RBFOX1: variants seen among roughly 807,000 people sequenced by gnomAD.
The protein encoded by RBFOX1 is RNA binding protein fox-1 homolog 1.
Under a neutral mutation model 57.7 loss-of-function variants are expected in RBFOX1, and 8 were observed. The ratio of observed to expected loss-of-function variants is 0.14; its 90% confidence interval spans 0.08 to 0.25. The LOEUF (loss-of-function observed/expected upper bound fraction) is 0.25, where lower values mean the gene tolerates loss of function less well. RBFOX1 is among the 10% of genes least tolerant of loss of function. The probability of loss-of-function intolerance (pLI) is 1.00; values close to 1 mark genes in which losing one functional copy is unlikely to be tolerated. For missense variants in RBFOX1, 611 were observed against 548.5 expected (o/e 1.11, Z -1.14); for synonymous variants, 326 against 222.4 (o/e 1.47, Z -4.15).
chr16:7,155,595 G>GAA (rs57504385), intron 4 of RBFOX1, among the ~76,000 whole-genome samples: 13 of 121,250 alleles, frequency 1.1e-4, no homozygotes, highest in East Asian at 4.8e-4. Flanking sequence ...GCACTTGTCT[G>GAA]AAAAAAAAAA....
At chr16:6,974,468 C>T (rs1317897913) in intron 3 of RBFOX1, among the ~76,000 whole-genome samples, 3 of 151,410 alleles carry the variant, frequency 2.0e-5, no homozygotes, top group Non-Finnish European at 2.9e-5. Context: ...CCTCAGCCTC[C>T]CAAGTAGCTG....
At chr16:6,755,316 C>A (rs749000673) in intron 3 of RBFOX1, among the ~76,000 whole-genome samples, 10 of 152,168 alleles carry the variant, frequency 6.6e-5, no homozygotes, top group Non-Finnish European at 1.0e-4. Context: ...TACAGTCCCA[C>A]CAACAGTGTA....
At chr16:6,724,754 T>G (rs2066790102) in intron 3 of RBFOX1, among the ~76,000 whole-genome samples, 1 of 152,120 alleles carries the variant, frequency 6.6e-6, no homozygotes, top group South Asian at 2.1e-4. Context: ...TATTCTAAGT[T>G]CTGGGGTACA....
chr16:5,789,287 G>C lies in RBFOX1; in HGVS notation c.319-78016G>C, dbSNP rs942148727. ...TTTCTGAAAACCCAGGGAGCCAGGC[G>C]CATCAGGGAGGGAGGTGTGGTGAAG... On this transcript the variant is annotated intron_variant, in intron 3 of 19. Coordinates refer to the RBFOX1 transcript ENST00000641259. 2.0e-5 allele frequency among the ~76,000 whole-genome samples: 3 copies of C among 152,186 alleles called. No homozygotes were observed. In the East Asian group the frequency reaches 5.8e-4, roughly 29 times the overall value.
intron 4 of RBFOX1, among the ~76,000 whole-genome samples, chr16:7,364,725 G>A (rs768126703): frequency 1.2e-4 from 18 of 152,074 alleles, no homozygotes; most frequent in Non-Finnish European, 2.4e-4. Context: ...GTTAAAATTT[G>A]AAGTCCCAGG....
At chr16:6,715,724 G>A (rs1443753964) in intron 3 of RBFOX1, among the ~76,000 whole-genome samples, 3 of 152,000 alleles carry the variant, frequency 2.0e-5, no homozygotes, top group African/African-American at 7.3e-5. Flanking sequence ...GTTGTTTATG[G>A]GTGGTTTTTA....
chr16:7,407,143 G>T (rs577967405), intron 4 of RBFOX1, among the ~76,000 whole-genome samples: 1 of 152,134 alleles, frequency 6.6e-6, no homozygotes, highest in Non-Finnish European at 1.5e-5. Context: ...TGATTTGTGC[G>T]ATTTTGGTGT....
rs139248630 is a variant in RBFOX1, at chr16:7,456,966, C to T, written c.28-61181C>T. On this transcript the variant is annotated intron_variant, in intron 4 of 15. Coordinates refer to ENST00000550418, the MANE Select transcript of RBFOX1 (RefSeq NM_018723.4). Reference sequence around the variant, plus strand: ...AGTGCAATGGCGCGATCCCGGCTCACTGCAACCTCTGCCTCCTGGATCCAA... The same window carrying T: ...AGTGCAATGGCGCGATCCCGGCTCATTGCAACCTCTGCCTCCTGGATCCAA... 1.1e-3 allele frequency among the ~76,000 whole-genome samples: 165 copies of T among 152,170 alleles called. 7 individuals are homozygous for T. In the East Asian group the frequency reaches 0.03, roughly 28 times the overall value.
chr16:6,700,935 G>A (rs1202566555), intron 3 of RBFOX1, among the ~76,000 whole-genome samples: 3 of 152,034 alleles, frequency 2.0e-5, no homozygotes, highest in Non-Finnish European at 2.9e-5. Context: ...ACCATTGTTC[G>A]AGGTTGGGTT....
At chr16:7,189,815 C>T (rs13332835) in intron 4 of RBFOX1, among the ~76,000 whole-genome samples, 1,747 of 152,304 alleles carry the variant, frequency 0.011, 30 homozygotes, top group African/African-American at 0.04. Context: ...TTCTTTCCTC[C>T]AGCTTTCTGG....
chr16:5,854,494 G>A (rs1206415579), intron 3 of RBFOX1, among the ~76,000 whole-genome samples: 1 of 151,938 alleles, frequency 6.6e-6, no homozygotes, highest in East Asian at 1.9e-4. Flanking sequence ...CCTCCATGTT[G>A]TTGCAAATGG....
chr16:7,511,112 GC>G (rs1307118556), intron 4 of RBFOX1, among the ~76,000 whole-genome samples: 1 of 152,220 alleles, frequency 6.6e-6, no homozygotes, highest in Non-Finnish European at 1.5e-5. Context: ...CACCTGGACG[GC>G]TACGAAAGCT....
intron 3 of RBFOX1, among the ~76,000 whole-genome samples, chr16:5,760,517 A>G (rs770311954): frequency 6.6e-6 from 1 of 152,164 alleles, no homozygotes; most frequent in East Asian, 1.9e-4. Context: ...ATTTCCATCA[A>G]CAGAGGAGAA....
At chr16:5,391,238 T>A (rs2066399256) in intron 1 of RBFOX1, among the ~76,000 whole-genome samples, 1 of 152,202 alleles carries the variant, frequency 6.6e-6, no homozygotes, top group African/African-American at 2.4e-5. Flanking sequence ...ACAATTCACA[T>A]TTATTCTCTT....
At chr16:5,255,932 A>G (rs2062581296) in intron 1 of RBFOX1, among the ~76,000 whole-genome samples, 1 of 151,924 alleles carries the variant, frequency 6.6e-6, no homozygotes, top group African/African-American at 2.4e-5. Context: ...TTGGCTATTA[A>G]TAGCTTCTAG....
chr16:5,705,833 G>A (rs2051225672), intron 3 of RBFOX1, among the ~76,000 whole-genome samples: 1 of 152,162 alleles, frequency 6.6e-6, no homozygotes, highest in African/African-American at 2.4e-5. Flanking sequence ...TATCCGTAGT[G>A]GCTAGAACAG....
At chr16:5,999,069 C>G (rs921864691) in intron 4 of RBFOX1, among the ~76,000 whole-genome samples, 1 of 152,194 alleles carries the variant, frequency 6.6e-6, no homozygotes, top group Admixed American at 6.5e-5. Context: ...GTTCAAGGAG[C>G]ATGACAGAGT....
chr16:7,122,874 G>A (rs535233072), intron 4 of RBFOX1, among the ~76,000 whole-genome samples: 4 of 152,072 alleles, frequency 2.6e-5, no homozygotes, highest in Non-Finnish European at 4.4e-5. Flanking sequence ...CAATAAAAAG[G>A]AGCAACTATT....
At chr16:6,037,866 A>G (rs2095387077) in intron 1 of RBFOX1, 1 of 152,182 alleles carries the variant, frequency 6.6e-6, no homozygotes, top group Non-Finnish European at 1.5e-5. Context: ...AAGTGCTAGG[A>G]TTACAGGTGT....
Sources: gnomAD v4.1 joint callset for allele counts (sites outside exome capture counted in the v4.1 genomes callset) on GRCh38, gnomAD v4.1.1 for gene constraint, MANE v1.5 for transcripts, NCBI Gene and HGNC (gene_info 2026-07-23, HGNC 2026-07-21) for gene names.